Variants in SLC20A2 observed in about 807,000 individuals in gnomAD.
SLC20A2 encodes the protein solute carrier family 20 member 2.
A neutral mutation model predicts 61.0 loss-of-function variants in SLC20A2; 30 were observed. The observed-to-expected ratio is 0.49, with a 90% CI of 0.37 to 0.67. The LOEUF (loss-of-function observed/expected upper bound fraction) is 0.67. SLC20A2 is among the 30% of genes least tolerant of loss of function. The probability of loss-of-function intolerance (pLI) is 0.00; values close to 1 mark genes in which losing one functional copy is unlikely to be tolerated. For missense variants in SLC20A2, 626 were observed against 866.4 expected, an observed-to-expected ratio of 0.72 and a Z score of 3.48; for synonymous variants, 351 against 353.3, an observed-to-expected ratio of 0.99 and a Z score of 0.07.
intron 1 of SLC20A2, among the ~76,000 whole-genome samples, chr8:42,527,625 A>G (rs1812058130): frequency 6.6e-6 from 1 of 151,518 alleles, no homozygotes; most frequent in Non-Finnish European, 1.5e-5. Context: ...AAAATTAGCC[A>G]GGCGTGGTGG....
chr8:42,485,772 C>T (rs1326346073), intron 1 of SLC20A2, among the ~76,000 whole-genome samples: 2 of 151,062 alleles, frequency 1.3e-5, no homozygotes, highest in Non-Finnish European at 2.9e-5. Flanking sequence ...ATGGTAAAAC[C>T]CCATCTCTAC....
chr8:42,505,220 C>T (rs552078608), upstream of SLC20A2, among the ~76,000 whole-genome samples: 2 of 151,958 alleles, frequency 1.3e-5, no homozygotes, highest in South Asian at 4.2e-4. Flanking sequence ...GCGATCCTCC[C>T]ACCTTAGCCT....
intron 9 of SLC20A2, among the ~76,000 whole-genome samples, chr8:42,429,406 C>T (rs1803673443): frequency 6.6e-6 from 1 of 152,186 alleles, no homozygotes; most frequent in South Asian, 2.1e-4. Flanking sequence ...CCCACCCCAG[C>T]TGCCTTTGGA....
intron 1 of SLC20A2, among the ~76,000 whole-genome samples, chr8:42,530,054 T>C (rs748266502): frequency 2.6e-4 from 39 of 152,128 alleles, no homozygotes; most frequent in Admixed American, 7.9e-4. Flanking sequence ...CACAATCTGA[T>C]GGACAAGTTT....
chr8:42,439,377 C>A (rs998114409), intron 7 of SLC20A2, 73 bp downstream of exon 7: 24 of 1,458,294 alleles, frequency 1.6e-5, no homozygotes, highest in Non-Finnish European at 2.3e-5. Flanking sequence ...TGCCCACACC[C>A]AGGCCCAGCT....
At chr8:42,521,366 T>C (rs1165074931) in intron 1 of SLC20A2, among the ~76,000 whole-genome samples, 2 of 121,366 alleles carry the variant, frequency 1.6e-5, no homozygotes, top group Non-Finnish European at 4.0e-5. Context: ...CTCAAAAGGT[T>C]ACAGATTGCA....
At chr8:42,492,146 G>A (rs1174708903) in intron 1 of SLC20A2, among the ~76,000 whole-genome samples, 1 of 152,188 alleles carries the variant, frequency 6.6e-6, no homozygotes, top group Non-Finnish European at 1.5e-5. Flanking sequence ...CACGAGGTCA[G>A]GAGTTCGAGA....
chr8:42,437,451 T>C lies in SLC20A2; in HGVS notation c.1061A>G (p.Tyr354Cys). 1 of 1,614,156 alleles carries C rather than the reference T, an allele frequency of 6.2e-7. No homozygotes were observed. Among genetic ancestry groups the C allele is most frequent in the South Asian group, 1.1e-5 (1 of 91,076 alleles). The change falls in exon 8 of 11, where the codon TAC becomes TGC. Residue 354 changes from tyrosine (Y) to cysteine (C), a missense_variant. Physicochemically the swap from Tyr to Cys is radical, Grantham distance 194. Around this residue, in one of 3 missense-constraint regions of SLC20A2, gnomAD observed 361 missense variants for 422.3 expected, o/e 0.85. Transcript: ENST00000520262. The surrounding 1 kb of genome is among the most constrained non-coding windows in gnomAD (Gnocchi z 6.4). ...YHTVHKDSGLYKDLLHKIHID... is the reference protein window; with the variant it reads ...YHTVHKDSGLCKDLLHKIHID... ...GTGGATTTTGTGCAGCAGATCTTTG[T>C]AGAGCCCCGAGTCTTTGTGCACGGT...
At chr8:42,483,257 C>T (rs764096494) in intron 1 of SLC20A2, among the ~76,000 whole-genome samples, 76 of 148,236 alleles carry the variant, frequency 5.1e-4, no homozygotes, top group Non-Finnish European at 1.0e-3. Context: ...TATAATCCCA[C>T]CTACCAGGGA....
intron 1 of SLC20A2, among the ~76,000 whole-genome samples, chr8:42,526,605 A>G (rs1317040586): frequency 1.3e-5 from 2 of 151,222 alleles, no homozygotes; most frequent in African/African-American, 2.4e-5. Context: ...CCCAGGAGGC[A>G]GAGGTTGCAG....
intron 1 of SLC20A2, among the ~76,000 whole-genome samples, chr8:42,482,102 G>T (rs138841013): frequency 6.6e-6 from 1 of 152,272 alleles, no homozygotes; most frequent in African/African-American, 2.4e-5. Context: ...GATTTGGCCC[G>T]AAGAAAAGAT....
chr8:42,539,927 ATTAAT>A (rs1006665207), intron 1 of SLC20A2, among the ~76,000 whole-genome samples: 4 of 152,252 alleles, frequency 2.6e-5, no homozygotes, highest in African/African-American at 9.6e-5. Flanking sequence ...TGAAAAACAC[ATTAAT>A]TTACTCTATG....
chr8:42,498,448 A>ATT (rs1037167405), intron 1 of SLC20A2, among the ~76,000 whole-genome samples: 1 of 150,708 alleles, frequency 6.6e-6, no homozygotes, highest in African/African-American at 2.4e-5. Flanking sequence ...TCATTTTCAC[A>ATT]TTTTTTTTTC....
chr8:42,516,748 A>C (rs80011938), intron 1 of SLC20A2, among the ~76,000 whole-genome samples: 225 of 152,180 alleles, frequency 1.5e-3, no homozygotes, highest in African/African-American at 5.1e-3. Context: ...TCCATCCACC[A>C]CTAGTCCTGC....
At chr8:42,466,706 T>C (rs955470644) in intron 2 of SLC20A2, among the ~76,000 whole-genome samples, 2 of 152,178 alleles carry the variant, frequency 1.3e-5, no homozygotes, top group Admixed American at 1.3e-4. Flanking sequence ...CGTCTCACTC[T>C]TGCCCAGGCT....
intron 1 of SLC20A2, among the ~76,000 whole-genome samples, chr8:42,479,985 A>G (rs907758226): frequency 1.3e-5 from 2 of 152,210 alleles, no homozygotes; most frequent in Non-Finnish European, 2.9e-5. Context: ...AAAGACTTTG[A>G]AATGTGGGCA....
chr8:42,430,200 C>T lies in SLC20A2; in HGVS notation c.1573G>A (p.Gly525Arg), dbSNP rs112198681. Residue 525 changes from glycine to arginine, a missense_variant, in exon 9 of 11, where the codon GGG becomes AGG. Coordinates refer to ENST00000520262, the MANE Select transcript of SLC20A2 (RefSeq NM_001257180.2). The part of the protein sequence containing the change: ...VALWLIYKQG[G>R]VTQEAATPVW... Reference sequence around the variant, plus strand: ...GGTGTAGCTGCTTCTTGCGTTACCCCGCCTTGTTTGTAAATCAGCCACAAG... The same window carrying T: ...GGTGTAGCTGCTTCTTGCGTTACCCTGCCTTGTTTGTAAATCAGCCACAAG... 10 of 1,613,720 alleles carry T rather than the reference C, an allele frequency of 6.2e-6. No homozygotes were observed. The highest frequency in any genetic ancestry group is 2.2e-5 in the East Asian group (1 of 44,886).
chr8:42,488,025 A>G (rs1404009614), intron 1 of SLC20A2, among the ~76,000 whole-genome samples: 1 of 152,060 alleles, frequency 6.6e-6, no homozygotes, highest in Admixed American at 6.6e-5. Flanking sequence ...GGCTTATTTC[A>G]CTTAGGGTTC....
At chr8:42,500,638 G>C (rs1225518726) in intron 1 of SLC20A2, among the ~76,000 whole-genome samples, 1 of 152,140 alleles carries the variant, frequency 6.6e-6, no homozygotes. Context: ...GTAGCACAGA[G>C]TATAACAGGA....
Sources: gnomAD v4.1 joint callset for allele counts (sites outside exome capture counted in the v4.1 genomes callset) on GRCh38, gnomAD v4.1.1 for gene constraint, gnomAD v4.1.1 regional missense constraint, Gnocchi (gnomAD v3.1) non-coding constraint, MANE v1.5 for transcripts, NCBI Gene and HGNC (gene_info 2026-07-23, HGNC 2026-07-21) for gene names.